The following CCDC192 variants were observed in gnomAD, a reference collection of about 807,000 sequenced individuals.
CCDC192 encodes coiled-coil domain-containing protein 192.
chr5:127,720,645 A>G (rs1189414526), intron 2 of CCDC192, among the ~76,000 whole-genome samples: 1 of 152,244 alleles, frequency 6.6e-6, no homozygotes, highest in East Asian at 1.9e-4. Context: ...CTGCCCTAGT[A>G]GAGGTTCTCC....
chr5:127,837,253 C>G (rs1750068300), intron 5 of CCDC192, among the ~76,000 whole-genome samples: 1 of 81,662 alleles, frequency 1.2e-5, no homozygotes, highest in Admixed American at 1.2e-4. Flanking sequence ...TAAACACATA[C>G]ACAAGACTGG....
At chr5:127,772,403 G>A (rs1278776515) in intron 3 of CCDC192, among the ~76,000 whole-genome samples, 1 of 150,068 alleles carries the variant, frequency 6.7e-6, no homozygotes, top group South Asian at 2.1e-4. Context: ...GGGTGCGGAC[G>A]TTGAGGTGAG....
At position 127,775,565 on chromosome 5, in the gene CCDC192, C is replaced by T. The variant is rs531373661; in HGVS notation, c.222+21190C>T. Among the ~76,000 whole-genome samples the T allele has an allele frequency of 8.5e-5, 13 of 152,300 alleles. No individual in the cohort carries two copies. The South Asian group carries it at 2.7e-3, about 32-fold the overall frequency. ...ACTACCTTTTCAGTGGCAATCATCT[C>T]CTGATTTCTTAGCGTCATCACACCT... On this transcript the variant is annotated intron_variant, in intron 3 of 6. Coordinates refer to ENST00000514853, the MANE Select transcript of CCDC192 (RefSeq NM_001317938.2).
At chr5:127,776,291 T>C (rs1403035315) in intron 3 of CCDC192, among the ~76,000 whole-genome samples, 1 of 152,248 alleles carries the variant, frequency 6.6e-6, no homozygotes, top group African/African-American at 2.4e-5. Context: ...TTTTATGCTT[T>C]AGCAAAGAGA....
chr5:127,841,114 G>A (rs1750264102), intron 5 of CCDC192, among the ~76,000 whole-genome samples: 2 of 152,182 alleles, frequency 1.3e-5, no homozygotes, highest in African/African-American at 4.8e-5. Flanking sequence ...AAACAAAGAG[G>A]AAAAGGAACT....
intron 2 of CCDC192, among the ~76,000 whole-genome samples, chr5:127,740,889 T>C (rs911077243): frequency 6.6e-6 from 1 of 152,126 alleles, no homozygotes; most frequent in African/African-American, 2.4e-5. Flanking sequence ...TTGGTCAACA[T>C]GCCAAAGTAC....
chr5:127,922,321 GTAA>G, intron 6 of CCDC192, among the ~76,000 whole-genome samples: 1 of 152,322 alleles, frequency 6.6e-6, no homozygotes, highest in East Asian at 1.9e-4. Context: ...AATGAGACTT[GTAA>G]TAATGGGGAG....
chr5:127,840,344 G>A (rs572572238), intron 5 of CCDC192, among the ~76,000 whole-genome samples: 1 of 152,318 alleles, frequency 6.6e-6, no homozygotes, highest in African/African-American at 2.4e-5. Flanking sequence ...AATTATCTCT[G>A]TATCCCTAAT....
intron 5 of CCDC192, among the ~76,000 whole-genome samples, chr5:127,870,371 C>T (rs1359439881): frequency 6.6e-6 from 1 of 152,164 alleles, no homozygotes; most frequent in East Asian, 1.9e-4. Context: ...TGTCACATTG[C>T]CTTTCTAGGT....
At chr5:127,882,654 G>A (rs1752405108) in intron 6 of CCDC192, among the ~76,000 whole-genome samples, 1 of 152,178 alleles carries the variant, frequency 6.6e-6, no homozygotes, top group Non-Finnish European at 1.5e-5. Flanking sequence ...AGTGATTAAA[G>A]CAATCCTCAC....
At chr5:127,768,498 GAGCCAT>G (rs1401965049) in intron 3 of CCDC192, among the ~76,000 whole-genome samples, 2 of 152,150 alleles carry the variant, frequency 1.3e-5, no homozygotes, top group Non-Finnish European at 2.9e-5. Context: ...CCCTCAGAGG[GAGCCAT>G]CCCTGCTGAC....
intron 5 of CCDC192, among the ~76,000 whole-genome samples, chr5:127,805,987 T>G (rs186582677): frequency 1.3e-5 from 2 of 152,214 alleles, no homozygotes; most frequent in African/African-American, 4.8e-5. Context: ...CTGAGCTCTC[T>G]TCACATCAGC....
intron 2 of CCDC192, among the ~76,000 whole-genome samples, chr5:127,745,308 G>T (rs947366720): frequency 6.6e-6 from 1 of 152,188 alleles, no homozygotes; most frequent in African/African-American, 2.4e-5. Flanking sequence ...TACTGGAATA[G>T]ATTAAGAAAT....
intron 5 of CCDC192, among the ~76,000 whole-genome samples, chr5:127,835,589 G>A (rs993528919): frequency 1.3e-5 from 2 of 152,196 alleles, no homozygotes; most frequent in African/African-American, 4.8e-5. Context: ...ATAAAGGAAA[G>A]AGGTTTAATT....
At chr5:127,773,273 A>T (rs1755667004) in intron 3 of CCDC192, among the ~76,000 whole-genome samples, 1 of 152,194 alleles carries the variant, frequency 6.6e-6, no homozygotes. Context: ...TTCTATTTTT[A>T]ATGGAGGTAA....
At chr5:127,857,005 A>G (rs1279050668) in intron 5 of CCDC192, among the ~76,000 whole-genome samples, 1 of 152,244 alleles carries the variant, frequency 6.6e-6, no homozygotes, top group Non-Finnish European at 1.5e-5. Flanking sequence ...CTTGCTTGAC[A>G]TCAGATTGCC....
intron 3 of CCDC192, among the ~76,000 whole-genome samples, chr5:127,776,122 T>C (rs1755843034): frequency 1.3e-5 from 2 of 152,286 alleles, no homozygotes; most frequent in South Asian, 2.1e-4. Flanking sequence ...TTGGAAAAGT[T>C]TGGAGGGCTG....
chr5:127,871,855 A>G (rs1751877960), intron 5 of CCDC192, among the ~76,000 whole-genome samples: 1 of 152,226 alleles, frequency 6.6e-6, no homozygotes, highest in African/African-American at 2.4e-5. Context: ...TAGGAGAAGT[A>G]GGAAAAGAGC....
intron 3 of CCDC192, among the ~76,000 whole-genome samples, chr5:127,771,559 A>T (rs892712947): frequency 1.3e-5 from 2 of 152,204 alleles, no homozygotes; most frequent in African/African-American, 4.8e-5. Flanking sequence ...AGTAAACTAG[A>T]AAATGCAGAA....
Sources: allele counts gnomAD v4.1 joint callset (sites outside exome capture counted in the v4.1 genomes callset), GRCh38; gene constraint gnomAD v4.1.1; transcripts MANE v1.5; gene names NCBI Gene and HGNC (gene_info 2026-07-23, HGNC 2026-07-21).